TMEM156: variants seen among roughly 807,000 people sequenced by gnomAD.
TMEM156 encodes the protein transmembrane protein 156.
Under a neutral mutation model 30.5 loss-of-function variants are expected in TMEM156, and 28 were observed. The observed-to-expected ratio is 0.92, with a 90% confidence interval of 0.68 to 1.26. The LOEUF is 1.26. TMEM156 is among the 50% of genes most tolerant of loss of function. The probability of loss-of-function intolerance (pLI) is 0.00; values close to 1 mark genes in which losing one functional copy is unlikely to be tolerated. For missense variants in TMEM156, 351 were observed against 340.6 expected (o/e 1.03, Z -0.24); for synonymous variants, 137 against 119.9 (o/e 1.14, Z -0.93).
intron 4 of TMEM156, among the ~76,000 whole-genome samples, chr4:38,988,560 T>TTC (rs1338992553): frequency 2.0e-5 from 3 of 151,716 alleles, no homozygotes; most frequent in South Asian, 2.1e-4. Flanking sequence ...CTTCCTGTTC[T>TTC]TCTCTCTCTC....
intron 5 of TMEM156, among the ~76,000 whole-genome samples, chr4:38,980,345 A>T (rs1723118014): frequency 6.6e-6 from 1 of 152,218 alleles, no homozygotes; most frequent in Admixed American, 6.5e-5. Context: ...GGATAGGCAT[A>T]ATCAAAAGTT....
At chr4:39,024,215 T>A (rs970494639) in intron 1 of TMEM156, among the ~76,000 whole-genome samples, 2 of 152,204 alleles carry the variant, frequency 1.3e-5, no homozygotes, top group African/African-American at 2.4e-5. Flanking sequence ...TTTGTATTTT[T>A]AGTAGAGATG....
chr4:39,026,648 TG>T (rs1344186284), intron 1 of TMEM156, among the ~76,000 whole-genome samples: 2 of 152,244 alleles, frequency 1.3e-5, no homozygotes, highest in Admixed American at 1.3e-4. Flanking sequence ...AAAATCTGGC[TG>T]GGTGTGGTGG....
intron 1 of TMEM156, among the ~76,000 whole-genome samples, chr4:39,020,221 T>C (rs1714769318): frequency 6.6e-6 from 1 of 152,214 alleles, no homozygotes; most frequent in African/African-American, 2.4e-5. Flanking sequence ...GACACTTACA[T>C]TGATTCCATA....
intron 3 of TMEM156, among the ~76,000 whole-genome samples, chr4:38,990,621 C>T (rs1367477514): frequency 6.6e-6 from 1 of 152,048 alleles, no homozygotes; most frequent in Non-Finnish European, 1.5e-5. Context: ...GTGCTGCCCA[C>T]CCATCCCTGC....
intron 1 of TMEM156, among the ~76,000 whole-genome samples, chr4:39,018,576 A>G (rs1344717681): frequency 6.6e-6 from 1 of 152,140 alleles, no homozygotes; most frequent in Non-Finnish European, 1.5e-5. Flanking sequence ...TATACATCTC[A>G]CCAATTCTAG....
chr4:38,982,258 T>C (rs1560359012), intron 5 of TMEM156, among the ~76,000 whole-genome samples: 1 of 152,200 alleles, frequency 6.6e-6, no homozygotes, highest in Non-Finnish European at 1.5e-5. Context: ...CTGGCTTCCT[T>C]ACTCCTCAGC....
intron 1 of TMEM156, among the ~76,000 whole-genome samples, chr4:39,003,071 C>T (rs1226972056): frequency 1.3e-5 from 2 of 151,736 alleles, no homozygotes; most frequent in African/African-American, 2.4e-5. Context: ...AATAATTACC[C>T]CTACTCATAT....
intron 5 of TMEM156, among the ~76,000 whole-genome samples, chr4:38,976,149 T>C (rs1389713826): frequency 6.6e-6 from 1 of 151,774 alleles, no homozygotes; most frequent in East Asian, 1.9e-4. Context: ...TAGCTGGGCA[T>C]GGTGGTGCGT....
chr4:39,007,427 A>T (rs903814182), intron 1 of TMEM156, among the ~76,000 whole-genome samples: 8 of 151,238 alleles, frequency 5.3e-5, no homozygotes, highest in Admixed American at 1.3e-4. Flanking sequence ...TTATTTATTT[A>T]TGTATTTATT....
chr4:38,998,793 T>A lies in TMEM156; in HGVS notation c.205A>T (p.Ile69Phe), dbSNP rs548229487. 6.2e-7 allele frequency: 1 copy of A among 1,613,904 alleles called. No homozygotes were observed. The highest frequency in any genetic ancestry group is 2.2e-5 in the East Asian group (1 of 44,804). Residue 69 changes from isoleucine (I) to phenylalanine (F), a missense_variant, in exon 2 of 7, where the codon ATT (isoleucine) becomes TTT (phenylalanine). By Grantham distance (21) the Ile-to-Phe change is conservative. Coordinates refer to ENST00000381938, the MANE Select transcript of TMEM156 (RefSeq NM_024943.3). Reference protein sequence around the residue: ...TFLQPVRETQIIMRIFLNPSN... With the variant: ...TFLQPVRETQFIMRIFLNPSN... The stretch of plus-strand genomic sequence containing the variant: ...GGATTTAGAAAGATTCTCATGATAA[T>A]CTGAGTTTCCCTTACTGGTTGCAGA...
chr4:39,006,324 T>A (rs1713734584), intron 1 of TMEM156, among the ~76,000 whole-genome samples: 1 of 152,006 alleles, frequency 6.6e-6, no homozygotes, highest in Non-Finnish European at 1.5e-5. Flanking sequence ...TAAGTTTTGA[T>A]TTTTTGTTAG....
chr4:38,984,324 T>TC (rs1711792570), intron 5 of TMEM156, among the ~76,000 whole-genome samples: 2 of 131,512 alleles, frequency 1.5e-5, no homozygotes, highest in African/African-American at 3.7e-5. Flanking sequence ...TCTCTCTCTC[T>TC]TTCTCTCTGT....
chr4:38,987,827 G>A (rs1277272538), intron 4 of TMEM156, among the ~76,000 whole-genome samples: 1 of 152,062 alleles, frequency 6.6e-6, no homozygotes, highest in African/African-American at 2.4e-5. Flanking sequence ...GGTAGTACTA[G>A]GACTCTAACA....
intron 5 of TMEM156, among the ~76,000 whole-genome samples, chr4:38,972,162 T>A (rs1007281829): frequency 6.6e-6 from 1 of 151,566 alleles, no homozygotes; most frequent in East Asian, 1.9e-4. Flanking sequence ...GGAGATTTAG[T>A]GTATTCAAGA....
chr4:38,970,843 C>T (rs1722563805), intron 6 of TMEM156, among the ~76,000 whole-genome samples, 189 bp downstream of exon 6: 1 of 152,212 alleles, frequency 6.6e-6, no homozygotes, highest in South Asian at 2.1e-4. Flanking sequence ...GATCCATCTA[C>T]TGATCCTTCC....
intron 6 of TMEM156, among the ~76,000 whole-genome samples, chr4:38,970,416 T>C (rs530507841): frequency 9.2e-5 from 14 of 152,164 alleles, no homozygotes; most frequent in Non-Finnish European, 2.1e-4. Flanking sequence ...GAGTAAATGA[T>C]ATAACCAATT....
chr4:39,015,606 A>G (rs1197242180), intron 1 of TMEM156, among the ~76,000 whole-genome samples: 3 of 152,184 alleles, frequency 2.0e-5, no homozygotes, highest in African/African-American at 7.2e-5. Flanking sequence ...TGTCTAACCT[A>G]TACTGTGAGA....
chr4:38,992,682 T>TGTGC (rs374942430), intron 3 of TMEM156, among the ~76,000 whole-genome samples: 1 of 45,672 alleles, frequency 2.2e-5, no homozygotes, highest in Admixed American at 2.6e-4. Flanking sequence ...ATATAATATA[T>TGTGC]TATATAATAT....
Sources: allele counts gnomAD v4.1 joint callset (sites outside exome capture counted in the v4.1 genomes callset), GRCh38; gene constraint gnomAD v4.1.1; transcripts MANE v1.5; gene names NCBI Gene and HGNC (gene_info 2026-07-23, HGNC 2026-07-21).